The following KIRREL3 variants were observed in gnomAD, a reference collection of about 807,000 sequenced individuals.
KIRREL3 encodes kirre like nephrin family adhesion molecule 3.
A neutral mutation model predicts 89.7 loss-of-function variants in KIRREL3; 36 were observed. The ratio of observed to expected loss-of-function variants is 0.40; its 90% CI spans 0.31 to 0.53. The LOEUF (loss-of-function observed/expected upper bound fraction) is 0.53. Among genes scored for constraint, KIRREL3 ranks in the 20% least tolerant of loss-of-function variants. The pLI is 0.49. For synonymous variants in KIRREL3, 445 were observed against 441.4 expected (o/e 1.01, Z -0.10); for missense variants, 864 against 1,056.6 (o/e 0.82, Z 2.53).
rs1172122229 is a variant in KIRREL3 at position 126,498,394 on chromosome 11, C to T, written c.433+22921G>A. On this transcript the variant is annotated intron_variant, in intron 4 of 16. Coordinates refer to ENST00000525144, the MANE Select transcript of KIRREL3 (RefSeq NM_032531.4). This position sits in a 1 kb window ranked among gnomAD's most constrained non-coding sequence, Gnocchi z 4.3. ...CTTTAATAAGCCAGGCTCTTCCCCC[C>T]GACCCTGCGATTGTGTTCCTAATCA... Among the ~76,000 whole-genome samples, 3 of 152,146 alleles carry T rather than the reference C, an allele frequency of 2.0e-5. No individual in the cohort carries two copies. Among genetic ancestry groups the T allele is most frequent in the African/African-American group, 7.2e-5 (3 of 41,434 alleles).
chr11:126,885,847 C>G (rs543274622), intron 1 of KIRREL3, among the ~76,000 whole-genome samples: 1 of 152,264 alleles, frequency 6.6e-6, no homozygotes, highest in East Asian at 1.9e-4. Flanking sequence ...TATTTGGCAA[C>G]AAATGTTTCA....
rs148466254 is a variant in KIRREL3, at chr11:126,628,256, C to G, written c.56-65344G>C. Among the ~76,000 whole-genome samples, 2 of 152,288 alleles carry G rather than the reference C, an allele frequency of 1.3e-5. No individual in the cohort carries two copies. The highest frequency in any genetic ancestry group is 3.9e-4 in the East Asian group (2 of 5,168). On this transcript the variant is annotated intron_variant, in intron 1 of 16. Coordinates refer to ENST00000525144, the MANE Select transcript of KIRREL3 (RefSeq NM_032531.4). The surrounding 1 kb of genome is among the most constrained non-coding windows in gnomAD (Gnocchi z 5.2). ...CACCACCCACCAATCCTGTCAGACT[C>G]TTTCTCTCCAGCCTGGCCTCGCCTT...
intron 1 of KIRREL3, among the ~76,000 whole-genome samples, chr11:126,851,605 G>C (rs1454898375): frequency 1.3e-5 from 2 of 151,984 alleles, no homozygotes; most frequent in Non-Finnish European, 2.9e-5. Flanking sequence ...CCCGGCCCTG[G>C]GAACCACATC....
At position 126,490,179 on chromosome 11, in the gene KIRREL3, T is replaced by G. The variant is rs1233340052; in HGVS notation, c.434-16713A>C. ...CTGGTGTATAATTGAGAATATTATT[T>G]GCATTTGGCTTTGGAATGCATTGTG... On this transcript the variant is annotated intron_variant, in intron 4 of 16. Transcript: ENST00000525144. This position sits in a 1 kb window ranked among gnomAD's most constrained non-coding sequence, Gnocchi z 4.2. Among the ~76,000 whole-genome samples the G allele has an allele frequency of 1.3e-5, 2 of 151,154 alleles. No homozygotes were observed.
chr11:126,873,988 G>A (rs904381277), intron 1 of KIRREL3, among the ~76,000 whole-genome samples: 4 of 152,140 alleles, frequency 2.6e-5, no homozygotes, highest in African/African-American at 9.7e-5. Context: ...CTGGTGGTTT[G>A]CACCGTCAAG....
rs1020176914 is a variant in KIRREL3 at position 126,766,713 on chromosome 11, C to T, written c.56-203801G>A. Among the ~76,000 whole-genome samples, 4 of 152,202 alleles carry T rather than the reference C, an allele frequency of 2.6e-5. No homozygotes were observed. Among genetic ancestry groups the T allele is most frequent in the Non-Finnish European group, 5.9e-5 (4 of 68,032 alleles). On this transcript the variant is annotated intron_variant, in intron 1 of 16. Coordinates refer to ENST00000525144, the MANE Select transcript of KIRREL3 (RefSeq NM_032531.4). The surrounding 1 kb of genome is among the most constrained non-coding windows in gnomAD (Gnocchi z 4.2). The stretch of plus-strand genomic sequence containing the variant: ...ATAGGCACTTACAGAATTGACTTTT[C>T]TGCCTTGGCCTGGGGGAGGCGGGTG...
chr11:126,928,461 G>A (rs1225900875), intron 1 of KIRREL3, among the ~76,000 whole-genome samples: 4 of 152,236 alleles, frequency 2.6e-5, no homozygotes, highest in Non-Finnish European at 5.9e-5. Context: ...GATCAGGGCT[G>A]GTTTTGGAAA....
chr11:126,483,059 A>G (rs1957264060), intron 4 of KIRREL3, among the ~76,000 whole-genome samples: 1 of 152,222 alleles, frequency 6.6e-6, no homozygotes, highest in Non-Finnish European at 1.5e-5. Flanking sequence ...TAGCTGTAAA[A>G]AATTCTTTGA....
Position 126,628,542 on chromosome 11 carries a change from AT to A in KIRREL3, c.56-65631del, listed in dbSNP as rs2134872067. Among the ~76,000 whole-genome samples, 1 of 152,254 alleles carries A rather than the reference AT, an allele frequency of 6.6e-6. No individual in the cohort carries two copies. Among genetic ancestry groups the A allele is most frequent in the Non-Finnish European group, 1.5e-5 (1 of 68,016 alleles). ...CTAGCTCTCAAAACAATGGTGGGTG[AT>A]TTCATAGTTTCTTTCAGCAACTTGT... On this transcript the variant is annotated intron_variant, in intron 1 of 16. Coordinates refer to ENST00000525144, the MANE Select transcript of KIRREL3 (RefSeq NM_032531.4). The surrounding 1 kb of genome is among the most constrained non-coding windows in gnomAD (Gnocchi z 5.2).
intron 1 of KIRREL3, among the ~76,000 whole-genome samples, chr11:126,986,718 C>T (rs553428432): frequency 6.6e-6 from 1 of 152,248 alleles, no homozygotes; most frequent in Admixed American, 6.5e-5. Context: ...ATAGGTATGA[C>T]CTTATCGTAA....
chr11:126,696,099 CAA>C lies in KIRREL3; in HGVS notation c.56-133189_56-133188del. On this transcript the variant is annotated intron_variant, in intron 1 of 16. Coordinates refer to ENST00000525144, the MANE Select transcript of KIRREL3 (RefSeq NM_032531.4). The surrounding 1 kb of genome is among the most constrained non-coding windows in gnomAD (Gnocchi z 4.4). ...TGAAACCCCATCTCTACTAAAAATA[CAA>C]AAAAAATTAGCCTGACATGGTGACA... Among the ~76,000 whole-genome samples, 1 of 151,278 alleles carries C rather than the reference CAA, an allele frequency of 6.6e-6. No individual in the cohort carries two copies.
At chr11:126,789,345 T>C (rs1411555128) in intron 1 of KIRREL3, among the ~76,000 whole-genome samples, 1 of 152,154 alleles carries the variant, frequency 6.6e-6, no homozygotes, top group Non-Finnish European at 1.5e-5. Context: ...TGAAGCTCTT[T>C]CTTCCTTCCC....
rs572066434 is a variant in KIRREL3 at position 126,837,083 on chromosome 11, G to A, written c.55+163372C>T. Among the ~76,000 whole-genome samples, 146 of 152,298 alleles carry A rather than the reference G, an allele frequency of 9.6e-4. 2 individuals carry two copies. Among genetic ancestry groups the A allele is most frequent in the African/African-American group, 3.1e-3 (128 of 41,556 alleles). On this transcript the variant is annotated intron_variant, in intron 1 of 16. Coordinates refer to ENST00000525144, the MANE Select transcript of KIRREL3 (RefSeq NM_032531.4). This position sits in a 1 kb window ranked among gnomAD's most constrained non-coding sequence, Gnocchi z 4.7. The stretch of plus-strand genomic sequence containing the variant: ...TGAACTAACAAACAGCTTCAGAGTA[G>A]CGTGGTTTAGAGGAAAGAATAGAAC...
At chr11:126,728,513 C>A (rs1046179470) in intron 1 of KIRREL3, among the ~76,000 whole-genome samples, 4 of 152,158 alleles carry the variant, frequency 2.6e-5, no homozygotes, top group Non-Finnish European at 5.9e-5. Context: ...CCCTGCCTGG[C>A]CCCTGCGGAG....
At chr11:126,942,622 G>A (rs1028032348) in intron 1 of KIRREL3, among the ~76,000 whole-genome samples, 3 of 152,212 alleles carry the variant, frequency 2.0e-5, no homozygotes, top group Non-Finnish European at 4.4e-5. Flanking sequence ...TTTGTCCTAG[G>A]AGTCATGTGG....
At chr11:126,539,172 G>T (rs1938157534) in intron 2 of KIRREL3, among the ~76,000 whole-genome samples, 1 of 152,170 alleles carries the variant, frequency 6.6e-6, no homozygotes, top group Non-Finnish European at 1.5e-5. Flanking sequence ...TGAGTTGTTT[G>T]TGAGAATGAA....
At chr11:126,592,596 G>T (rs1157553432) in intron 1 of KIRREL3, among the ~76,000 whole-genome samples, 2 of 152,218 alleles carry the variant, frequency 1.3e-5, no homozygotes, top group African/African-American at 4.8e-5. Context: ...CATCAGGATG[G>T]AAAGGACCAT....
intron 1 of KIRREL3, among the ~76,000 whole-genome samples, chr11:126,726,980 C>G (rs1948411756): frequency 6.6e-6 from 1 of 152,238 alleles, no homozygotes; most frequent in African/African-American, 2.4e-5. Flanking sequence ...TCTGAGCCGC[C>G]TTACCCTCTG....
rs2134780458 is a variant in KIRREL3, at chr11:126,608,561, A to C, written c.56-45649T>G. Among the ~76,000 whole-genome samples the C allele has an allele frequency of 6.6e-6, 1 of 152,112 alleles. No individual in the cohort carries two copies. Among genetic ancestry groups the C allele is most frequent in the Admixed American group, 6.5e-5 (1 of 15,298 alleles). On this transcript the variant is annotated intron_variant, in intron 1 of 16. Transcript: ENST00000525144. This position sits in a 1 kb window ranked among gnomAD's most constrained non-coding sequence, Gnocchi z 4.9. ...TCCTCTTCCCTCCTCTCCCCTCCCC[A>C]AATGGCTCCCTTAATCACGAGCTGC...
Sources: gnomAD v4.1 joint callset for allele counts (sites outside exome capture counted in the v4.1 genomes callset) on GRCh38, gnomAD v4.1.1 for gene constraint, Gnocchi (gnomAD v3.1) non-coding constraint, MANE v1.5 for transcripts, NCBI Gene and HGNC (gene_info 2026-07-23, HGNC 2026-07-21) for gene names.